The following SULF2 variants were observed in gnomAD, a reference collection of about 807,000 sequenced individuals.
SULF2 encodes sulfatase 2, also known as extracellular sulfatase Sulf-2.
SULF2 carries 52 observed loss-of-function variants against 107.7 expected under a neutral mutation model. The ratio of observed to expected loss-of-function variants is 0.48; its 90% CI spans 0.39 to 0.61. The LOEUF (loss-of-function observed/expected upper bound fraction) is 0.61, where lower values mean the gene tolerates loss of function less well. Ranked by LOEUF, SULF2 falls within the 20% of genes least tolerant of loss-of-function variation. The pLI, the probability that SULF2 is intolerant of heterozygous loss-of-function variation, is 0.00. For synonymous variants in SULF2, 460 were observed against 464.3 expected, an observed-to-expected ratio of 0.99 and a Z score of 0.12; for missense variants, 993 against 1,177.3, an observed-to-expected ratio of 0.84 and a Z score of 2.29.
intron 11 of SULF2, among the ~76,000 whole-genome samples, chr20:47,671,430 G>A (rs1370359349): frequency 1.3e-5 from 2 of 151,808 alleles, no homozygotes; most frequent in Non-Finnish European, 2.9e-5. Flanking sequence ...CACACCACAC[G>A]CCCAACTAAT....
chr20:47,785,550 C>A (rs1351395259), upstream of SULF2: 2 of 146,538 alleles, frequency 1.4e-5, no homozygotes, highest in African/African-American at 2.5e-5. Context: ...GCCGCCACCG[C>A]CCCCGGCCCC....
At position 47,684,420 on chromosome 20, in the gene SULF2, CG is replaced by C; in HGVS notation, c.888+10del. 1 of 1,601,674 alleles carries C rather than the reference CG, an allele frequency of 6.2e-7. No individual in the cohort carries two copies. Among genetic ancestry groups the C allele is most frequent in the Non-Finnish European group, 8.5e-7 (1 of 1,173,792 alleles). ...GCCACGCCCACCAAGAGGCATGCAG[CG>C]GGCGCCTACCGTCTCCATGGAGTCG... On this transcript the variant is annotated intron_variant, in intron 6 of 20. Transcript: ENST00000688720.
chr20:47,717,117 A>G (rs2089146460), intron 3 of SULF2, among the ~76,000 whole-genome samples: 1 of 152,250 alleles, frequency 6.6e-6, no homozygotes, highest in African/African-American at 2.4e-5. Flanking sequence ...ACTGTCTACC[A>G]GAAGGAAAAT....
chr20:47,785,309 C>A, intron 1 of SULF2, 34 bp downstream of exon 1: 1 of 145,570 alleles, frequency 6.9e-6, no homozygotes, highest in South Asian at 1.9e-4. Flanking sequence ...CCCGCGTCCC[C>A]CAGCCACCCA....
chr20:47,745,967 C>G lies in SULF2; in HGVS notation c.176-9025G>C, dbSNP rs140835231. On this transcript the variant is annotated intron_variant, in intron 2 of 20. Transcript: ENST00000688720. ...ATTTTAAAAATTGAATGGCCTTTTTCTTTAATTGCGAGATTTCACATCAAT... is the reference window on the plus strand; with the variant it reads ...ATTTTAAAAATTGAATGGCCTTTTTGTTTAATTGCGAGATTTCACATCAAT... 5.9e-3 allele frequency among the ~76,000 whole-genome samples: 898 copies of G among 152,322 alleles called. 7 individuals carry two copies. The highest frequency in any genetic ancestry group is 0.021 in the African/African-American group (859 of 41,588).
intron 4 of SULF2, among the ~76,000 whole-genome samples, chr20:47,700,572 C>G (rs1036310521): frequency 6.6e-6 from 1 of 151,936 alleles, no homozygotes; most frequent in South Asian, 2.1e-4. Context: ...AAAGACAACA[C>G]CAAGTGCTGA....
chr20:47,725,838 G>A (rs569430073), intron 3 of SULF2, among the ~76,000 whole-genome samples: 1 of 152,344 alleles, frequency 6.6e-6, no homozygotes, highest in African/African-American at 2.4e-5. Context: ...CGGCCTCGGT[G>A]TAGGAACTCG....
chr20:47,721,178 C>T (rs139962339), intron 3 of SULF2, among the ~76,000 whole-genome samples: 199 of 152,050 alleles, frequency 1.3e-3, no homozygotes, highest in African/African-American at 4.6e-3. Context: ...AATCACTGCA[C>T]GAAGTGATAA....
At chr20:47,757,743 C>T (rs1166077284) in intron 1 of SULF2, among the ~76,000 whole-genome samples, 1 of 152,006 alleles carries the variant, frequency 6.6e-6, no homozygotes, top group Non-Finnish European at 1.5e-5. Flanking sequence ...GCCCAAGACC[C>T]GAGTCAGATA....
At chr20:47,687,173 G>A (rs562410154) in intron 5 of SULF2, among the ~76,000 whole-genome samples, 21 of 152,326 alleles carry the variant, frequency 1.4e-4, no homozygotes, top group African/African-American at 4.8e-4. Flanking sequence ...ACTGTTCAGA[G>A]GATGATGATT....
At chr20:47,665,366 C>T in intron 13 of SULF2, 73 bp from the exon 14 acceptor site, 1 of 977,844 alleles carries the variant, frequency 1.0e-6, no homozygotes, top group Non-Finnish European at 1.7e-6. Flanking sequence ...TGGTGACTGC[C>T]CCCACGCTGC....
intron 2 of SULF2, among the ~76,000 whole-genome samples, chr20:47,751,224 C>T (rs537389840): frequency 2.0e-5 from 3 of 152,350 alleles, no homozygotes; most frequent in Non-Finnish European, 2.9e-5. Context: ...GAGGGTGTCA[C>T]GAGCATCTCT....
chr20:47,712,565 C>T (rs11086223), intron 3 of SULF2, among the ~76,000 whole-genome samples: 10,539 of 152,228 alleles, frequency 0.069, 1,073 homozygotes, highest in African/African-American at 0.22. Flanking sequence ...ACTGTAGCCC[C>T]AGCGCAGTAC....
chr20:47,734,611 T>C (rs2089687519), intron 3 of SULF2, among the ~76,000 whole-genome samples: 1 of 152,218 alleles, frequency 6.6e-6, no homozygotes, highest in African/African-American at 2.4e-5. Context: ...TGGCTCTTAT[T>C]ATGTAATAAC....
Position 47,689,128 on chromosome 20 carries a change from C to A in SULF2, c.737+998G>T, listed in dbSNP as rs376629298. Among the ~76,000 whole-genome samples the A allele has an allele frequency of 2.6e-5, 4 of 152,164 alleles. No individual in the cohort carries two copies. In the East Asian group the frequency reaches 7.7e-4, roughly 29 times the overall value. ...TCTGCCACTTAGAGCTGGGTGACCTCAGGTAAGTTACCTTACCTCTCTGTG... is the reference window on the plus strand; with the variant it reads ...TCTGCCACTTAGAGCTGGGTGACCTAAGGTAAGTTACCTTACCTCTCTGTG... On this transcript the variant is annotated intron_variant, in intron 5 of 20. Transcript: ENST00000688720.
intron 10 of SULF2, 35 bp downstream of exon 10, chr20:47,676,459 G>T (rs753691978): frequency 1.3e-6 from 2 of 1,597,314 alleles, no homozygotes; most frequent in African/African-American, 1.3e-5. Context: ...GCAGTCAGGA[G>T]GGGGAGCCGT....
Position 47,664,198 on chromosome 20 carries a change from G to C in SULF2, c.1998-9C>G. 1.2e-6 allele frequency: 2 copies of C among 1,609,636 alleles called. No homozygotes were observed. ...TGTGCTGGGTGTGGTAGCTGTAACA[G>C]ACCCCCCCAGCCCCAGGCTTCAGGA... On this transcript the variant is annotated splice_polypyrimidine_tract_variant and intron_variant, in intron 14 of 20. Coordinates refer to ENST00000688720, the MANE Select transcript of SULF2 (RefSeq NM_001387048.1).
At chr20:47,704,273 G>T (rs1312511410) in intron 3 of SULF2, among the ~76,000 whole-genome samples, 1 of 132,348 alleles carries the variant, frequency 7.6e-6, no homozygotes, top group Non-Finnish European at 1.6e-5. Flanking sequence ...TATTTTGCAT[G>T]TACATTTTTT....
At chr20:47,660,597 CTTTT>C (rs1030414920) in intron 18 of SULF2, among the ~76,000 whole-genome samples, 1 of 151,952 alleles carries the variant, frequency 6.6e-6, no homozygotes, top group African/African-American at 2.4e-5. Context: ...GCTTTGTTTT[CTTTT>C]TTTAATATAT....
Sources: gnomAD v4.1 joint callset for allele counts (sites outside exome capture counted in the v4.1 genomes callset) on GRCh38, gnomAD v4.1.1 for gene constraint, MANE v1.5 for transcripts, NCBI Gene and HGNC (gene_info 2026-07-23, HGNC 2026-07-21) for gene names.